SYCP3: variants seen among roughly 807,000 people sequenced by gnomAD.
The protein encoded by SYCP3 is synaptonemal complex protein 3.
In SYCP3, 29 loss-of-function variants were observed where a neutral mutation model predicts 38.5. That is an observed-to-expected ratio of 0.75 (90% CI 0.56 to 1.03). The LOEUF (loss-of-function observed/expected upper bound fraction) is 1.03, where lower values mean the gene tolerates loss of function less well. Ranked by LOEUF, SYCP3 falls within the 50% of genes least tolerant of loss-of-function variation. The pLI, the probability that SYCP3 is intolerant of heterozygous loss-of-function variation, is 0.00. For synonymous variants in SYCP3, 79 were observed against 80.3 expected, an observed-to-expected ratio of 0.98 and a Z score of 0.08; for missense variants, 242 against 270.7, an observed-to-expected ratio of 0.89 and a Z score of 0.74.
chr12:101,732,668 CT>C (rs549684402), intron 6 of SYCP3: 3,932 of 136,052 alleles, frequency 0.029, 123 homozygotes, highest in African/African-American at 0.089. Flanking sequence ...TTTCTTTTTT[CT>C]TTTTTTTTTT....
At chr12:101,737,764 A>C in intron 2 of SYCP3, 39 bp downstream of exon 2, 1 of 1,613,806 alleles carries the variant, frequency 6.2e-7, no homozygotes, top group Non-Finnish European at 8.5e-7. Context: ...AAACAAATGA[A>C]CTGAAGGACA....
At chr12:101,733,911 G>GA (rs1566053598) in intron 5 of SYCP3, among the ~76,000 whole-genome samples, 1 of 152,050 alleles carries the variant, frequency 6.6e-6, no homozygotes, top group Non-Finnish European at 1.5e-5. Context: ...GAAAACTAAG[G>GA]AAGTTTTATT....
At chr12:101,733,791 G>T in intron 5 of SYCP3, 117 bp from the exon 6 acceptor site, 1 of 900,768 alleles carries the variant, frequency 1.1e-6, no homozygotes, top group South Asian at 1.6e-5. Context: ...TGCAGCTTAA[G>T]TCTTCTGATG....
chr12:101,730,320 A>ATC (rs1952129425), intron 7 of SYCP3, among the ~76,000 whole-genome samples: 1 of 152,154 alleles, frequency 6.6e-6, no homozygotes, highest in African/African-American at 2.4e-5. Context: ...CAAAGGTTAT[A>ATC]CTATAGTTCC....
intron 2 of SYCP3, chr12:101,737,540 CT>C (rs1414652096): frequency 1.1e-5 from 7 of 645,694 alleles, no homozygotes; most frequent in Non-Finnish European, 1.9e-5. Context: ...AAGCCACATA[CT>C]ATATATCAGA....
intron 6 of SYCP3, chr12:101,732,066 A>T: frequency 6.0e-6 from 1 of 166,376 alleles, no homozygotes; most frequent in Non-Finnish European, 1.3e-5. Flanking sequence ...ACCACTACAC[A>T]GTATTAGTAA....
intron 7 of SYCP3, 84 bp downstream of exon 7, chr12:101,731,484 C>T: frequency 2.1e-6 from 2 of 942,346 alleles, no homozygotes; most frequent in Non-Finnish European, 3.0e-6. Context: ...TGTTTTTTCC[C>T]ATAAACTTAG....
At chr12:101,738,537 G>A (rs1005145360) in intron 1 of SYCP3, among the ~76,000 whole-genome samples, 2 of 151,742 alleles carry the variant, frequency 1.3e-5, no homozygotes, top group Non-Finnish European at 2.9e-5. Flanking sequence ...AGGAGTTTGA[G>A]ACCAGCCTGG....
rs1464663179 is a variant in SYCP3 at position 101,737,234 on chromosome 12, C to T, written c.198G>A (p.Met66Ile). The change falls in exon 3 of 9, where the codon ATG (methionine) becomes ATA (isoleucine). Residue 66 changes from methionine (M) to isoleucine (I), a missense_variant and splice_region_variant. By Grantham distance (10) the Met-to-Ile change is conservative. Coordinates refer to ENST00000392924, the MANE Select transcript of SYCP3 (RefSeq NM_001177949.2). Reference protein sequence around the residue: ...KRSSAGVVEDMGGEVQNMLEG... With the variant: ...KRSSAGVVEDIGGEVQNMLEG... ...AAAAATTATTTTGAACACGTTACCC[C>T]ATATCTTCAACTACTCCTGCAGAAG... is the stretch of plus-strand genomic sequence containing the variant. 1.2e-5 allele frequency: 20 copies of T among 1,613,096 alleles called. No homozygotes were observed. Among genetic ancestry groups the T allele is most frequent in the Non-Finnish European group, 1.7e-5 (20 of 1,179,610 alleles).
At chr12:101,730,907 C>T (rs1952163184) in intron 7 of SYCP3, among the ~76,000 whole-genome samples, 1 of 152,004 alleles carries the variant, frequency 6.6e-6, no homozygotes, top group African/African-American at 2.4e-5. Context: ...AAAGGAACCA[C>T]CACTGAAAAA....
chr12:101,733,205 C>T (rs1019221122), intron 6 of SYCP3: 2 of 219,772 alleles, frequency 9.1e-6, no homozygotes, highest in Non-Finnish European at 1.8e-5. Context: ...TTGCTTACTA[C>T]ATCAAGACAC....
intron 1 of SYCP3, 82 bp from the exon 2 acceptor site, chr12:101,738,034 G>C: frequency 6.7e-7 from 1 of 1,489,452 alleles, no homozygotes; most frequent in Non-Finnish European, 9.3e-7. Flanking sequence ...TATCAAAGGA[G>C]ATATCGAACA....
chr12:101,739,263 G>A (rs930471390), intron 1 of SYCP3, 88 bp downstream of exon 1: 3 of 999,914 alleles, frequency 3.0e-6, no homozygotes, highest in Non-Finnish European at 3.6e-6. Flanking sequence ...GGCCCCAGGC[G>A]ACGCCAGGAG....
chr12:101,739,439 T>C lies in SYCP3; in HGVS notation c.-106A>G, dbSNP rs143456701. On this transcript the variant is annotated 5_prime_UTR_variant, in exon 1 of 9. Transcript: ENST00000392924. ...CTCCACAAGCGCGCTTCACCTGAGG[T>C]GGCCCCTTCTCCGCGACGCTTCTGA... 2.5e-3 allele frequency: 2,491 copies of C among 1,002,616 alleles called. 51 individuals carry two copies. In the African/African-American group the frequency reaches 0.04, roughly 16 times the overall value. 62.1% of individuals were successfully genotyped at this position (1,002,616 alleles called of 1,614,324 possible).
chr12:101,731,635 TGAA>T lies in SYCP3; in HGVS notation c.482_484del (p.Leu161del). On this transcript the variant is annotated inframe_deletion, in exon 7 of 9. Transcript: ENST00000392924. ...CTGGCTCTGAACAATTCTAGATTGT[TGAA>T]GAATCTTTTGTTGCTGTCGAAACAT... 6.2e-7 allele frequency: 1 copy of T among 1,603,850 alleles called. No homozygotes were observed. The highest frequency in any genetic ancestry group is 8.5e-7 in the Non-Finnish European group (1 of 1,177,692).
In SYCP3 at chr12:101,728,802, A is replaced by C; in HGVS notation, c.*125T>G. 1 of 1,412,776 alleles carries C rather than the reference A, an allele frequency of 7.1e-7. No individual in the cohort carries two copies. The highest frequency in any genetic ancestry group is 2.3e-5 in the East Asian group (1 of 42,628). The allele number at this position is 1,412,776 out of a possible 1,614,324, so 87.5% of individuals were successfully genotyped here. Reference sequence around the variant, plus strand: ...GACTTAACAGAAAGGGAGGTCTTACAATGAAACAGGTTTATGATTAAAGAT... The same window carrying C: ...GACTTAACAGAAAGGGAGGTCTTACCATGAAACAGGTTTATGATTAAAGAT... On this transcript the variant is annotated 3_prime_UTR_variant, in exon 9 of 9. Coordinates refer to ENST00000392924, the MANE Select transcript of SYCP3 (RefSeq NM_001177949.2).
rs1375546643 is a variant in SYCP3, at chr12:101,729,765, A to C, written c.553-552T>G. ...GATTGCTTCCTGATGGCAATGAGAA[A>C]AAAACATAGGAACAAAACAAAAATT... On this transcript the variant is annotated intron_variant, in intron 7 of 8. Coordinates refer to ENST00000392924, the MANE Select transcript of SYCP3 (RefSeq NM_001177949.2). 4.6e-5 allele frequency: 7 copies of C among 152,396 alleles called. No individual in the cohort carries two copies. The East Asian group carries it at 1.2e-3, about 25-fold the overall frequency. 9.4% of individuals were successfully genotyped at this position (152,396 alleles called of 1,614,324 possible). A position where few individuals can be genotyped will look rare whatever the true frequency, so the allele number is the denominator to read the frequency against.
At chr12:101,738,818 G>C (rs1952584480) in intron 1 of SYCP3, among the ~76,000 whole-genome samples, 1 of 152,218 alleles carries the variant, frequency 6.6e-6, no homozygotes, top group Admixed American at 6.5e-5. Context: ...CCTGAGGCCT[G>C]GGAGTTCCAA....
At chr12:101,729,561 T>G (rs1952091422) in intron 7 of SYCP3, 2 of 209,820 alleles carry the variant, frequency 9.5e-6, no homozygotes, top group Admixed American at 5.4e-5. Context: ...TGACTAATAG[T>G]GTGCCATGAA....
Sources: gnomAD v4.1 joint callset for allele counts (sites outside exome capture counted in the v4.1 genomes callset) on GRCh38, gnomAD v4.1.1 for gene constraint, MANE v1.5 for transcripts, NCBI Gene and HGNC (gene_info 2026-07-23, HGNC 2026-07-21) for gene names.